Variants in CRADD observed in about 807,000 individuals in gnomAD.
CRADD encodes death domain-containing protein CRADD.
CRADD carries 9 observed loss-of-function variants against 15.5 expected under a neutral mutation model. The ratio of observed to expected loss-of-function variants is 0.58; its 90% CI spans 0.35 to 1.01. The LOEUF is 1.01. Among genes scored for constraint, CRADD ranks in the 50% least tolerant of loss-of-function variants. The pLI is 0.02. For missense variants in CRADD, 227 were observed against 250.3 expected (o/e 0.91, Z 0.63); for synonymous variants, 118 against 107.6 (o/e 1.10, Z -0.60).
At chr12:93,812,803 A>G (rs935367888) in intron 2 of CRADD, among the ~76,000 whole-genome samples, 5 of 152,362 alleles carry the variant, frequency 3.3e-5, no homozygotes, top group Non-Finnish European at 7.3e-5. Flanking sequence ...TTTTCTCACC[A>G]TGATTTACAA....
At chr12:93,780,237 G>T (rs1411989089) in intron 2 of CRADD, among the ~76,000 whole-genome samples, 2 of 152,194 alleles carry the variant, frequency 1.3e-5, no homozygotes, top group Non-Finnish European at 2.9e-5. Flanking sequence ...AAACTGGAAT[G>T]TGTAACATAA....
intron 2 of CRADD, among the ~76,000 whole-genome samples, chr12:93,814,757 A>G (rs1957672228): frequency 6.6e-6 from 1 of 152,230 alleles, no homozygotes; most frequent in South Asian, 2.1e-4. Context: ...ATCTCAGAAG[A>G]CAAGTCATTT....
chr12:93,862,458 C>T (rs6538458), intron 2 of CRADD, among the ~76,000 whole-genome samples: 120 of 152,072 alleles, frequency 7.9e-4, no homozygotes, highest in African/African-American at 2.5e-3. Context: ...TGGGGCTTGA[C>T]GGGAGTGTGG....
intron 2 of CRADD, among the ~76,000 whole-genome samples, chr12:93,764,991 A>G (rs1957011772): frequency 6.6e-6 from 1 of 151,572 alleles, no homozygotes; most frequent in Non-Finnish European, 1.5e-5. Flanking sequence ...AATTTCTCCA[A>G]TTCAGAAACT....
At chr12:93,725,836 TAC>T (rs1956354421) in intron 2 of CRADD, among the ~76,000 whole-genome samples, 1 of 152,216 alleles carries the variant, frequency 6.6e-6, no homozygotes, top group South Asian at 2.1e-4. Flanking sequence ...GGTTTATATA[TAC>T]CTTTCTCTCT....
In CRADD at chr12:93,867,401, ATATT is replaced by A. The variant is rs953951502; in HGVS notation, c.299-26647_299-26644del. ...AGTTGTATTTGACATATATATATATATATTTTTTAAACTTGGAAGTCCAAGATCA... is the reference window on the plus strand; with the variant it reads ...AGTTGTATTTGACATATATATATATATTTTAAACTTGGAAGTCCAAGATCA... On this transcript the variant is annotated intron_variant, in intron 2 of 2. Coordinates refer to the CRADD transcript ENST00000548483. Among the ~76,000 whole-genome samples, 16 of 139,144 alleles carry A rather than the reference ATATT, an allele frequency of 1.1e-4. 1 individual carries two copies. The highest frequency in any genetic ancestry group is 4.7e-4 in the South Asian group (2 of 4,274). The allele number at this position is 139,144 out of a possible 152,430, so 91.3% of individuals were successfully genotyped here.
chr12:93,691,169 G>A (rs554405934), intron 2 of CRADD, among the ~76,000 whole-genome samples: 2 of 151,750 alleles, frequency 1.3e-5, no homozygotes, highest in South Asian at 2.1e-4. Context: ...ATTCCATCAT[G>A]TGCCAGTCAC....
intron 2 of CRADD, among the ~76,000 whole-genome samples, chr12:93,871,042 A>G (rs909798874): frequency 4.6e-5 from 7 of 152,260 alleles, no homozygotes; most frequent in African/African-American, 1.7e-4. Context: ...CTATAAATGT[A>G]AAAGCAAACA....
chr12:93,698,801 G>A (rs1006436482), intron 2 of CRADD, among the ~76,000 whole-genome samples: 3 of 152,194 alleles, frequency 2.0e-5, no homozygotes, highest in African/African-American at 7.2e-5. Context: ...AAGATTACAT[G>A]ATGTTTGAAA....
intron 2 of CRADD, among the ~76,000 whole-genome samples, chr12:93,872,699 A>G (rs1958431376): frequency 6.6e-6 from 1 of 152,058 alleles, no homozygotes. Context: ...CACCTTTGTC[A>G]AAAAGTGTTT....
At chr12:93,883,638 C>T (rs912115971) in intron 2 of CRADD, among the ~76,000 whole-genome samples, 2 of 152,014 alleles carry the variant, frequency 1.3e-5, no homozygotes, top group Non-Finnish European at 2.9e-5. Flanking sequence ...GGCAATATAG[C>T]AAGATCCCAT....
At chr12:93,847,513 A>C (rs1270779789) in intron 2 of CRADD, among the ~76,000 whole-genome samples, 1 of 148,240 alleles carries the variant, frequency 6.7e-6, no homozygotes, top group African/African-American at 2.5e-5. Flanking sequence ...AAAAAAAAAA[A>C]AAAAAAAACC....
intron 2 of CRADD, among the ~76,000 whole-genome samples, chr12:93,830,644 T>C (rs1377470547): frequency 1.3e-5 from 2 of 152,212 alleles, no homozygotes; most frequent in East Asian, 3.8e-4. Flanking sequence ...ACCTGCTTAT[T>C]TGCAACACTA....
intron 2 of CRADD, among the ~76,000 whole-genome samples, chr12:93,792,221 A>G (rs544060442): frequency 6.6e-6 from 1 of 152,342 alleles, no homozygotes; most frequent in East Asian, 1.9e-4. Context: ...GGGAGGACTC[A>G]GGACAAAATC....
intron 2 of CRADD, among the ~76,000 whole-genome samples, chr12:93,743,352 G>T (rs1334371258): frequency 6.6e-6 from 1 of 152,100 alleles, no homozygotes; most frequent in Non-Finnish European, 1.5e-5. Context: ...GTTTGTTTGA[G>T]ACAGGGTCTT....
chr12:93,839,038 G>A (rs1958017346), intron 2 of CRADD, among the ~76,000 whole-genome samples: 1 of 152,106 alleles, frequency 6.6e-6, no homozygotes, highest in South Asian at 2.1e-4. Flanking sequence ...CTCCCAAAGT[G>A]TTGGGATTAC....
At chr12:93,847,614 A>G (rs1396705222) in intron 2 of CRADD, among the ~76,000 whole-genome samples, 2 of 152,002 alleles carry the variant, frequency 1.3e-5, no homozygotes, top group Non-Finnish European at 2.9e-5. Context: ...AACAACAGCA[A>G]CAACAACAAA....
chr12:93,704,629 T>C (rs184610061), intron 2 of CRADD, among the ~76,000 whole-genome samples: 1 of 152,224 alleles, frequency 6.6e-6, no homozygotes, highest in Non-Finnish European at 1.5e-5. Context: ...CAGAGCCATC[T>C]TTTAAAAATA....
chr12:93,747,994 AAT>A (rs901322479), intron 2 of CRADD, among the ~76,000 whole-genome samples: 5 of 151,778 alleles, frequency 3.3e-5, no homozygotes, highest in Admixed American at 6.6e-5. Flanking sequence ...TGGAGAAAAA[AAT>A]ATATATATAT....
Sources: allele counts gnomAD v4.1 joint callset (sites outside exome capture counted in the v4.1 genomes callset), GRCh38; gene constraint gnomAD v4.1.1; transcripts MANE v1.5; gene names NCBI Gene and HGNC (gene_info 2026-07-23, HGNC 2026-07-21).